The following RBAK variants were observed in gnomAD, a reference collection of about 807,000 sequenced individuals.
The protein encoded by RBAK is RB associated KRAB zinc finger.
RBAK carries 39 observed loss-of-function variants against 65.8 expected under a neutral mutation model. The observed-to-expected ratio is 0.59, with a 90% confidence interval of 0.46 to 0.77. The LOEUF (loss-of-function observed/expected upper bound fraction) is 0.77. Ranked by LOEUF, RBAK falls within the 30% of genes least tolerant of loss-of-function variation. RBAK has a pLI of 0.00. For synonymous variants in RBAK, 343 were observed against 289.7 expected (o/e 1.18, Z -1.87); for missense variants, 884 against 855.1 (o/e 1.03, Z -0.42).
chr7:5,063,847 A>G lies in RBAK; in HGVS notation c.391A>G (p.Ser131Gly). 1 of 1,614,122 alleles carries G rather than the reference A, an allele frequency of 6.2e-7. No homozygotes were observed. The highest frequency in any genetic ancestry group is 8.5e-7 in the Non-Finnish European group (1 of 1,179,998). The change falls in exon 5 of 5, where the codon AGC becomes GGC. Residue 131 changes from serine (S) to glycine (G), a missense_variant. Ser to Gly is a moderately conservative substitution (Grantham distance 56). Transcript: ENST00000396912. ...CATGGAAACAAGCCTTGTTCCTTCA[A>G]GCATAATAGCTCATAATTGTGTCTC... is the stretch of plus-strand genomic sequence containing the variant. ...IYMETSLVPSSIIAHNCVSCG... is the reference protein window; with the variant it reads ...IYMETSLVPSGIIAHNCVSCG...
Position 5,048,787 on chromosome 7 carries a change from A to C in RBAK, c.15+696A>C, listed in dbSNP as rs1788051097. Among the ~76,000 whole-genome samples, 1 of 152,194 alleles carries C rather than the reference A, an allele frequency of 6.6e-6. No individual in the cohort carries two copies. Among genetic ancestry groups the C allele is most frequent in the South Asian group, 2.1e-4 (1 of 4,828 alleles). On this transcript the variant is annotated intron_variant, in intron 2 of 4. Transcript: ENST00000396912. The surrounding 1 kb of genome is among the most constrained non-coding windows in gnomAD (Gnocchi z 4.4). ...TAGGAAGCATGGCTGGGGAGGCTTC[A>C]GGAAACTTACAGTCATGGTGGAAGG...
intron 2 of RBAK, among the ~76,000 whole-genome samples, chr7:5,049,733 T>C (rs376041189): frequency 6.6e-6 from 1 of 152,174 alleles, no homozygotes. Flanking sequence ...TTTCTTTTTT[T>C]CTTTTTTTGA....
In RBAK at chr7:5,063,793, G is replaced by A; in HGVS notation, c.337G>A (p.Glu113Lys). Residue 113 changes from glutamate (E) to lysine (K), a missense_variant, in exon 5 of 5, where the codon GAG becomes AAG. Coordinates refer to ENST00000396912, the MANE Select transcript of RBAK (RefSeq NM_021163.4). ...ACINSKTLTE[E>K]KENTFSQIYM... ...TATCAATAGCAAAACCCTGACTGAA[G>A]AGAAAGAGAATACATTTAGTCAAAT... 1.2e-6 allele frequency: 2 copies of A among 1,613,906 alleles called. No homozygotes were observed. The highest frequency in any genetic ancestry group is 1.7e-6 in the Non-Finnish European group (2 of 1,179,922).
chr7:5,067,904 A>G lies in RBAK; in HGVS notation c.*2303A>G, dbSNP rs1779259667. 1 of 152,228 alleles carries G rather than the reference A, an allele frequency of 6.6e-6. No homozygotes were observed. Among genetic ancestry groups the G allele is most frequent in the Non-Finnish European group, 1.5e-5 (1 of 68,042 alleles). 9.4% of individuals were successfully genotyped at this position (152,228 alleles called of 1,614,324 possible). ...TTGATAAAAAGTTATTTGGAGGTGG[A>G]TTGCAGATCTGAATATGAAATGTGA... On this transcript the variant is annotated 3_prime_UTR_variant, in exon 5 of 5. Coordinates refer to ENST00000396912, the MANE Select transcript of RBAK (RefSeq NM_021163.4).
Position 5,065,585 on chromosome 7 carries a change from A to T in RBAK, c.2129A>T (p.Asp710Val), listed in dbSNP as rs1359584679. 6.6e-7 allele frequency: 1 copy of T among 1,520,728 alleles called. No individual in the cohort carries two copies. Among genetic ancestry groups the T allele is most frequent in the Non-Finnish European group, 8.8e-7 (1 of 1,137,162 alleles). The allele number at this position is 1,520,728 out of a possible 1,614,324, so 94.2% of individuals were successfully genotyped here. Residue 710 changes from aspartate to valine, a missense_variant, in exon 5 of 5, where the codon GAT becomes GTT. Transcript: ENST00000396912. This position sits in a 1 kb window ranked among gnomAD's most constrained non-coding sequence, Gnocchi z 5.3. ...AGAAGAGGAAATATGAACGTACTTG[A>T]TGTGGAAAATCTCTGAAGTCAGATC... The part of the protein sequence containing the change: ...IHRRGNMNVL[D>V]VENL
rs1779157327 is a variant in RBAK, at chr7:5,064,180, T to C, written c.724T>C (p.Phe242Leu). 1 of 1,613,910 alleles carries C rather than the reference T, an allele frequency of 6.2e-7. No homozygotes were observed. Among genetic ancestry groups the C allele is most frequent in the East Asian group, 2.2e-5 (1 of 44,884 alleles). The change falls in exon 5 of 5, where the codon TTC becomes CTC. Residue 242 changes from phenylalanine (F) to leucine (L), a missense_variant. Physicochemically the swap from Phe to Leu is conservative, Grantham distance 22. Coordinates refer to ENST00000396912, the MANE Select transcript of RBAK (RefSeq NM_021163.4). This position sits in a 1 kb window ranked among gnomAD's most constrained non-coding sequence, Gnocchi z 6.3. Reference sequence around the variant, plus strand: ...TGAGTGGAATGATTCTGGACCAGACTTCATACAGATGTCAAATTTTAATGC... The same window carrying C: ...TGAGTGGAATGATTCTGGACCAGACCTCATACAGATGTCAAATTTTAATGC... ...PYEWNDSGPD[F>L]IQMSNFNAYQ... is the part of the protein sequence containing the mutation.
chr7:5,063,628 T>TA, intron 4 of RBAK, 67 bp from the exon 5 acceptor site: 1 of 1,298,366 alleles, frequency 7.7e-7, no homozygotes, highest in Non-Finnish European at 1.0e-6. Context: ...GGCTCTTGAA[T>TA]ACCAGTACCT....
intron 4 of RBAK, among the ~76,000 whole-genome samples, chr7:5,059,693 A>G (rs545217001): frequency 3.3e-5 from 5 of 152,244 alleles, no homozygotes; most frequent in South Asian, 4.2e-4. Flanking sequence ...CCTTCTCTTA[A>G]TATCTATTCC....
rs143468821 is a variant in RBAK at position 5,067,776 on chromosome 7, C to T, written c.*2175C>T. 1 of 152,230 alleles carries T rather than the reference C, an allele frequency of 6.6e-6. No individual in the cohort carries two copies. Among genetic ancestry groups the T allele is most frequent in the East Asian group, 1.9e-4 (1 of 5,186 alleles). 9.4% of individuals were successfully genotyped at this position (152,230 alleles called of 1,614,324 possible). On this transcript the variant is annotated 3_prime_UTR_variant, in exon 5 of 5. Transcript: ENST00000396912. ...GCATACAGATTCAAAAGTAGACCCA[C>T]GTGTATACCATCACCTGAGTTTTGA... is the stretch of plus-strand genomic sequence containing the variant.
chr7:5,045,966 G>A lies in RBAK; in HGVS notation c.-475G>A. 3.1e-6 allele frequency: 1 copy of A among 318,264 alleles called. No individual in the cohort carries two copies. The highest frequency in any genetic ancestry group is 5.9e-6 in the Non-Finnish European group (1 of 169,902). 19.7% of individuals were successfully genotyped at this position (318,264 alleles called of 1,614,324 possible). ...GAGCCTGCGGGGCTGGAGGTTGAGC[G>A]CCCGGGCCAGCACCTAGGCGGGCGC... On this transcript the variant is annotated 5_prime_UTR_variant, in exon 1 of 5. Coordinates refer to ENST00000396912, the MANE Select transcript of RBAK (RefSeq NM_021163.4).
At chr7:5,054,434 T>C (rs1788180821) in intron 2 of RBAK, among the ~76,000 whole-genome samples, 1 of 151,466 alleles carries the variant, frequency 6.6e-6, no homozygotes, top group African/African-American at 2.4e-5. Flanking sequence ...CATTGCTTCA[T>C]ATATGTTCTC....
chr7:5,062,733 C>T (rs1001525881), intron 4 of RBAK, among the ~76,000 whole-genome samples: 1 of 152,194 alleles, frequency 6.6e-6, no homozygotes, highest in Non-Finnish European at 1.5e-5. Context: ...GACGGCCACA[C>T]CTAAGGGGGC....
rs1279702332 is a variant in RBAK, at chr7:5,048,677, C to G, written c.15+586C>G. On this transcript the variant is annotated intron_variant, in intron 2 of 4. Transcript: ENST00000396912. The surrounding 1 kb of genome is among the most constrained non-coding windows in gnomAD (Gnocchi z 4.4). Reference sequence around the variant, plus strand: ...AAAATGCCATCTGTATTAGTCCATTCTCACACTGCTATAGAGAAATAACCA... The same window carrying G: ...AAAATGCCATCTGTATTAGTCCATTGTCACACTGCTATAGAGAAATAACCA... Among the ~76,000 whole-genome samples, 2 of 152,172 alleles carry G rather than the reference C, an allele frequency of 1.3e-5. No individual in the cohort carries two copies. Among genetic ancestry groups the G allele is most frequent in the East Asian group, 3.8e-4 (2 of 5,206 alleles).
intron 2 of RBAK, among the ~76,000 whole-genome samples, chr7:5,051,755 G>T (rs762219536): frequency 6.6e-6 from 1 of 152,170 alleles, no homozygotes; most frequent in Non-Finnish European, 1.5e-5. Context: ...ATTAGATTTA[G>T]TTGGTGAATT....
chr7:5,053,840 G>A (rs1788167376), intron 2 of RBAK, among the ~76,000 whole-genome samples: 1 of 152,280 alleles, frequency 6.6e-6, no homozygotes, highest in South Asian at 2.1e-4. Flanking sequence ...TTTTGAACAT[G>A]TGGAATAGAA....
In RBAK at chr7:5,065,024, A is replaced by C; in HGVS notation, c.1568A>C (p.Asn523Thr). The C allele has an allele frequency of 6.2e-7, 1 of 1,613,894 alleles. No individual in the cohort carries two copies. Residue 523 changes from asparagine (N) to threonine (T), a missense_variant, in exon 5 of 5, where the codon AAT becomes ACT. Physicochemically the swap from Asn to Thr is moderately conservative, Grantham distance 65. Transcript: ENST00000396912. The surrounding 1 kb of genome is among the most constrained non-coding windows in gnomAD (Gnocchi z 5.3). ...GAATGTGGGAAAACCTTCCTTGTAA[A>C]TTCAGCCTTCGATGGGCACCAGCCA... The part of the protein sequence containing the change: ...CNECGKTFLV[N>T]SAFDGHQPLP...
chr7:5,062,360 G>A (rs1049950393), intron 4 of RBAK, among the ~76,000 whole-genome samples: 5 of 152,072 alleles, frequency 3.3e-5, no homozygotes, highest in South Asian at 4.1e-4. Flanking sequence ...ATCACATGTC[G>A]GTAGGTTCTG....
Position 5,063,895 on chromosome 7 carries a change from A to T in RBAK, c.439A>T (p.Ile147Phe), listed in dbSNP as rs142273025. ...CVSCGKNLESISQLISSDGSY... is the reference protein window; with the variant it reads ...CVSCGKNLESFSQLISSDGSY... ...CTCATGTGGAAAGAATTTAGAATCTATTTCGCAATTAATTAGTAGTGATGG... is the reference window on the plus strand; with the variant it reads ...CTCATGTGGAAAGAATTTAGAATCTTTTTCGCAATTAATTAGTAGTGATGG... Residue 147 changes from isoleucine (I) to phenylalanine (F), a missense_variant, in exon 5 of 5, where the codon ATT (isoleucine) becomes TTT (phenylalanine). Ile to Phe is a conservative substitution (Grantham distance 21). Transcript: ENST00000396912. The T allele has an allele frequency of 2.5e-6, 4 of 1,613,934 alleles. No homozygotes were observed. In the African/African-American group the frequency reaches 5.3e-5, roughly 22 times the overall value.
intron 4 of RBAK, among the ~76,000 whole-genome samples, chr7:5,058,607 T>C (rs983354753): frequency 1.3e-5 from 2 of 152,192 alleles, no homozygotes; most frequent in African/African-American, 2.4e-5. Flanking sequence ...TTTCCCAAAG[T>C]CCATGCTCAG....
Sources: gnomAD v4.1 joint callset for allele counts (sites outside exome capture counted in the v4.1 genomes callset) on GRCh38, gnomAD v4.1.1 for gene constraint, Gnocchi (gnomAD v3.1) non-coding constraint, MANE v1.5 for transcripts, NCBI Gene and HGNC (gene_info 2026-07-23, HGNC 2026-07-21) for gene names.